Variants in LRRC36 observed in about 807,000 individuals in gnomAD.
LRRC36 encodes leucine rich repeat containing 36.
Under a neutral mutation model 81.1 loss-of-function variants are expected in LRRC36, and 62 were observed. That is an observed-to-expected ratio of 0.76 (90% confidence interval 0.62 to 0.94). LRRC36 has a LOEUF of 0.94. LRRC36 is among the 40% of genes least tolerant of loss of function. The pLI is 0.00. For missense variants in LRRC36, 761 were observed against 881.7 expected (o/e 0.86, Z 1.73); for synonymous variants, 334 against 348.6 (o/e 0.96, Z 0.47).
At chr16:67,365,426 G>C in intron 7 of LRRC36, 71 bp downstream of exon 7, 14 of 1,390,260 alleles carry the variant, frequency 1.0e-5, no homozygotes, top group Non-Finnish European at 1.4e-5. Context: ...TGGGATTTGG[G>C]AGATGAAGAT....
intron 5 of LRRC36, among the ~76,000 whole-genome samples, chr16:67,353,409 C>A (rs2038748724): frequency 6.6e-6 from 1 of 151,946 alleles, no homozygotes; most frequent in Non-Finnish European, 1.5e-5. Flanking sequence ...TTTTTTGAGA[C>A]AGAGTCTCAC....
At chr16:67,349,487 C>T (rs980314299) in intron 4 of LRRC36, among the ~76,000 whole-genome samples, 10 of 152,106 alleles carry the variant, frequency 6.6e-5, no homozygotes, top group African/African-American at 9.7e-5. Flanking sequence ...TTCTTGTCTG[C>T]TTTTCTAAAT....
At chr16:67,378,488 C>T (rs2039993951) in intron 11 of LRRC36, 101 bp from the exon 12 acceptor site, 2 of 1,085,006 alleles carry the variant, frequency 1.8e-6, no homozygotes, top group African/African-American at 1.6e-5. Flanking sequence ...AAACCATCCA[C>T]CTCAGCCTCC....
chr16:67,384,822 T>G (rs1202719331), intron 13 of LRRC36, 48 bp from the exon 14 acceptor site: 48 of 1,482,714 alleles, frequency 3.2e-5, no homozygotes, highest in Admixed American at 5.1e-5. Context: ...GCATGGTATC[T>G]CTCTTGCTTT....
At chr16:67,332,600 A>C (rs2037549826) in intron 1 of LRRC36, among the ~76,000 whole-genome samples, 1 of 152,194 alleles carries the variant, frequency 6.6e-6, no homozygotes, top group African/African-American at 2.4e-5. Flanking sequence ...CGAAATGCAT[A>C]ACCTCTTAAG....
At chr16:67,382,833 T>C (rs1271179415) in intron 13 of LRRC36, among the ~76,000 whole-genome samples, 1 of 152,012 alleles carries the variant, frequency 6.6e-6, no homozygotes, top group Non-Finnish European at 1.5e-5. Context: ...AATAAAAAAA[T>C]TAGCTGGGAG....
chr16:67,351,279 G>T (rs181330537), intron 5 of LRRC36, among the ~76,000 whole-genome samples: 3 of 152,240 alleles, frequency 2.0e-5, no homozygotes, highest in East Asian at 3.9e-4. Context: ...ATTCCTAAAA[G>T]CCAAGCAATA....
chr16:67,376,742 T>C lies in LRRC36; in HGVS notation c.1676T>C (p.Leu559Ser). The C allele has an allele frequency of 1.2e-6, 2 of 1,612,134 alleles. No individual in the cohort carries two copies. The highest frequency in any genetic ancestry group is 4.5e-5 in the East Asian group (2 of 44,806). Residue 559 changes from leucine to serine, a missense_variant, in exon 11 of 14, where the codon TTG (leucine) becomes TCG (serine). Physicochemically the swap from Leu to Ser is moderately radical, Grantham distance 145 (BLOSUM62 -2). Transcript: ENST00000329956. ...NKKFLGPARD[L>S]LLSLVVPAPS... ...TTTTTGGCAGGTCCTGCCCGAGATT[T>C]GCTTCTGTCTTTGGTAGTCCCGGCT...
chr16:67,336,658 G>T (rs559957842), intron 1 of LRRC36: 1 of 151,944 alleles, frequency 6.6e-6, no homozygotes, highest in Non-Finnish European at 1.5e-5. Flanking sequence ...TTCTTGCTAT[G>T]TTGCCCAGGC....
intron 1 of LRRC36, among the ~76,000 whole-genome samples, chr16:67,338,996 G>A (rs1161266737): frequency 7.0e-6 from 1 of 143,668 alleles, no homozygotes; most frequent in Non-Finnish European, 1.5e-5. Context: ...CTGGGCTGAA[G>A]CAATTCTTCT....
rs187653528 is a variant in LRRC36, at chr16:67,341,843, T to C, written c.71-114T>C. On this transcript the variant is annotated intron_variant, in intron 1 of 13. Coordinates refer to ENST00000329956, the MANE Select transcript of LRRC36 (RefSeq NM_018296.6). ...AAAGAAGATCTGATCTTATGAGGCT[T>C]GGATGTAGGGCCTTGCACAGTTGAG... 6.1e-6 allele frequency: 4 copies of C among 654,324 alleles called. No homozygotes were observed. The East Asian group carries it at 1.1e-4, about 18-fold the overall frequency. 40.5% of individuals were successfully genotyped at this position (654,324 alleles called of 1,614,324 possible).
At chr16:67,360,067 G>C (rs2039074944) in intron 5 of LRRC36, among the ~76,000 whole-genome samples, 1 of 151,880 alleles carries the variant, frequency 6.6e-6, no homozygotes, top group East Asian at 1.9e-4. Context: ...GGAGGTTGCA[G>C]TGAGCCGAGA....
chr16:67,363,198 T>C (rs931602381), intron 5 of LRRC36, among the ~76,000 whole-genome samples: 3 of 152,226 alleles, frequency 2.0e-5, no homozygotes, highest in African/African-American at 7.2e-5. Flanking sequence ...CAGGAGTCTA[T>C]TCCCAGCATC....
At chr16:67,352,684 TATTTA>T (rs1384276018) in intron 5 of LRRC36, among the ~76,000 whole-genome samples, 1 of 145,596 alleles carries the variant, frequency 6.9e-6, no homozygotes, top group Non-Finnish European at 1.5e-5. Context: ...TTTATTTATT[TATTTA>T]TTTTTTGAGG....
intron 5 of LRRC36, 104 bp downstream of exon 5, chr16:67,350,394 A>G (rs1308832545): frequency 1.3e-5 from 12 of 937,962 alleles, no homozygotes; most frequent in Non-Finnish European, 1.8e-5. Flanking sequence ...GAAAGAACCA[A>G]TTTGAAGCAA....
At chr16:67,346,748 A>C (rs2038366498) in intron 3 of LRRC36, among the ~76,000 whole-genome samples, 1 of 152,136 alleles carries the variant, frequency 6.6e-6, no homozygotes, top group Non-Finnish European at 1.5e-5. Flanking sequence ...AGGTGCCCCA[A>C]CTTTGCAACT....
chr16:67,344,042 C>G (rs1338697924), intron 2 of LRRC36, among the ~76,000 whole-genome samples: 1 of 151,996 alleles, frequency 6.6e-6, no homozygotes, highest in Non-Finnish European at 1.5e-5. Context: ...GTCTCAAACT[C>G]CTGACCTCAG....
intron 6 of LRRC36, among the ~76,000 whole-genome samples, chr16:67,364,780 G>T (rs553356433): frequency 1.3e-5 from 2 of 152,290 alleles, no homozygotes; most frequent in African/African-American, 4.8e-5. Context: ...TTTAGTTTAA[G>T]AAATAAGGAA....
intron 1 of LRRC36, 135 bp downstream of exon 1, chr16:67,327,067 G>T: frequency 1.2e-6 from 1 of 813,442 alleles, no homozygotes. Flanking sequence ...GCTGGGGGGC[G>T]GGGGGATAAC....
Sources: gnomAD v4.1 joint callset for allele counts (sites outside exome capture counted in the v4.1 genomes callset) on GRCh38, gnomAD v4.1.1 for gene constraint, MANE v1.5 for transcripts, NCBI Gene and HGNC (gene_info 2026-07-23, HGNC 2026-07-21) for gene names.